Variants in MARCHF3 observed in about 807,000 individuals in gnomAD.
MARCHF3 encodes membrane associated ring-CH-type finger 3.
Under a neutral mutation model 24.2 loss-of-function variants are expected in MARCHF3, and 13 were observed. The ratio of observed to expected loss-of-function variants is 0.54; its 90% CI spans 0.35 to 0.85. The LOEUF (loss-of-function observed/expected upper bound fraction) is 0.85, where lower values mean the gene tolerates loss of function less well. Among genes scored for constraint, MARCHF3 ranks in the 40% least tolerant of loss-of-function variants. The pLI is 0.01. For missense variants in MARCHF3, 276 were observed against 325.0 expected, an observed-to-expected ratio of 0.85 and a Z score of 1.16; for synonymous variants, 144 against 137.3, an observed-to-expected ratio of 1.05 and a Z score of -0.34.
chr5:126,922,156 A>C (rs932376773), intron 1 of MARCHF3, among the ~76,000 whole-genome samples: 4 of 152,098 alleles, frequency 2.6e-5, no homozygotes, highest in African/African-American at 9.7e-5. Context: ...GGCTCTGCTC[A>C]CCTCTGCAGC....
chr5:127,011,868 C>G (rs563758589), intron 1 of MARCHF3, among the ~76,000 whole-genome samples: 24 of 152,260 alleles, frequency 1.6e-4, no homozygotes, highest in African/African-American at 5.5e-4. Context: ...AGAGGTCTGC[C>G]AATGTGCAAA....
intron 1 of MARCHF3, among the ~76,000 whole-genome samples, chr5:126,927,535 T>A (rs758102158): frequency 1.3e-5 from 2 of 152,218 alleles, no homozygotes; most frequent in Non-Finnish European, 2.9e-5. Context: ...GCATGCATCA[T>A]GGCCTGGGTG....
At chr5:126,996,853 T>C (rs1183412186) in intron 1 of MARCHF3, among the ~76,000 whole-genome samples, 1 of 152,172 alleles carries the variant, frequency 6.6e-6, no homozygotes, top group Non-Finnish European at 1.5e-5. Context: ...GGATAAATTA[T>C]TTAAAAATCA....
chr5:126,961,784 A>G (rs1172829671), intron 1 of MARCHF3, among the ~76,000 whole-genome samples: 1 of 152,170 alleles, frequency 6.6e-6, no homozygotes, highest in Admixed American at 6.5e-5. Flanking sequence ...TCATTTCTGA[A>G]TGCAATATGC....
chr5:126,983,515 T>A (rs1324531429), intron 1 of MARCHF3, among the ~76,000 whole-genome samples: 1 of 152,212 alleles, frequency 6.6e-6, no homozygotes. Flanking sequence ...TTCTCTCTTT[T>A]GGATATCAGC....
chr5:126,987,446 CA>C (rs1751604769), intron 1 of MARCHF3, among the ~76,000 whole-genome samples: 1 of 152,220 alleles, frequency 6.6e-6, no homozygotes, highest in South Asian at 2.1e-4. Context: ...CTCAAGACTG[CA>C]ACATCAACTC....
intron 3 of MARCHF3, among the ~76,000 whole-genome samples, chr5:126,885,310 G>A (rs935551576): frequency 2.0e-5 from 3 of 152,222 alleles, no homozygotes; most frequent in Admixed American, 1.3e-4. Flanking sequence ...GTTTACGCCT[G>A]TAATCTCAGC....
intron 1 of MARCHF3, among the ~76,000 whole-genome samples, chr5:126,947,735 A>G (rs1319470744): frequency 6.6e-6 from 1 of 152,094 alleles, no homozygotes; most frequent in Non-Finnish European, 1.5e-5. Context: ...ACTCAAACAA[A>G]TTGAATACAT....
chr5:126,882,414 T>A (rs1342162837), intron 3 of MARCHF3, among the ~76,000 whole-genome samples: 1 of 152,214 alleles, frequency 6.6e-6, no homozygotes, highest in African/African-American at 2.4e-5. Context: ...CAAACCACGA[T>A]GAGGTCTAAT....
Position 126,918,091 on chromosome 5 carries a change from C to T in MARCHF3, c.81G>A (p.Val27=). ...CATTCACTAGGCTGCCACAATCCTC[C>T]ACCGTCTTCACCACGGGTGCAGCTG... ...TSSAAPVVKT[V]EDCGSLVNGQ... is the part of the protein sequence containing the mutation. The change falls in exon 2 of 5, where the codon GTG becomes GTA. Residue 27 remains valine (V), a synonymous_variant. Transcript: ENST00000308660. 4 of 1,614,212 alleles carry T rather than the reference C, an allele frequency of 2.5e-6. No individual in the cohort carries two copies. The highest frequency in any genetic ancestry group is 3.4e-6 in the Non-Finnish European group (4 of 1,180,040).
At chr5:126,959,263 A>G (rs1290820680) in intron 1 of MARCHF3, among the ~76,000 whole-genome samples, 1 of 152,212 alleles carries the variant, frequency 6.6e-6, no homozygotes, top group Non-Finnish European at 1.5e-5. Context: ...GATGAAAAAT[A>G]GCCCTTTACT....
Position 126,958,605 on chromosome 5 carries a change from G to C in MARCHF3, c.-56-40378C>G, listed in dbSNP as rs1241087501. The stretch of plus-strand genomic sequence containing the variant: ...TTAATTAATCTTTGAATCCAAAAAG[G>C]GTGTCAGGACTGGGAAGTATATAGA... On this transcript the variant is annotated intron_variant, in intron 1 of 4. Transcript: ENST00000308660. Among the ~76,000 whole-genome samples the C allele has an allele frequency of 6.6e-5, 10 of 151,946 alleles. No individual in the cohort carries two copies. The East Asian group carries it at 1.5e-3, about 23-fold the overall frequency.
In MARCHF3 at chr5:126,993,680, A is replaced by G. The variant is rs1465840699; in HGVS notation, c.-57+36670T>C. ...ACATTCACTTTAATCATTTTCAGGCAGGGAAAAAAAAGTGTTCTGTATATA... is the reference window on the plus strand; with the variant it reads ...ACATTCACTTTAATCATTTTCAGGCGGGGAAAAAAAAGTGTTCTGTATATA... On this transcript the variant is annotated intron_variant, in intron 1 of 4. Coordinates refer to ENST00000308660, the MANE Select transcript of MARCHF3 (RefSeq NM_178450.5). Among the ~76,000 whole-genome samples the G allele has an allele frequency of 3.3e-5, 5 of 152,166 alleles. No homozygotes were observed. In the South Asian group the frequency reaches 6.2e-4, roughly 19 times the overall value.
intron 3 of MARCHF3, among the ~76,000 whole-genome samples, chr5:126,911,874 C>T (rs1263908706): frequency 6.6e-6 from 1 of 152,150 alleles, no homozygotes; most frequent in Non-Finnish European, 1.5e-5. Flanking sequence ...ACAGTATATC[C>T]ATTTTAAGTG....
At chr5:126,986,899 A>G (rs1751584465) in intron 1 of MARCHF3, among the ~76,000 whole-genome samples, 1 of 152,252 alleles carries the variant, frequency 6.6e-6, no homozygotes, top group Non-Finnish European at 1.5e-5. Flanking sequence ...GAAAATTTCA[A>G]CAAATTTCTG....
intron 1 of MARCHF3, among the ~76,000 whole-genome samples, chr5:126,961,571 G>C (rs1750637184): frequency 6.6e-6 from 1 of 152,104 alleles, no homozygotes; most frequent in Non-Finnish European, 1.5e-5. Flanking sequence ...CTACAGTACT[G>C]AATTTATTTC....
chr5:126,906,794 A>G (rs9763723), intron 3 of MARCHF3, among the ~76,000 whole-genome samples: 13,841 of 151,702 alleles, frequency 0.091, 1,403 homozygotes, highest in African/African-American at 0.25. Context: ...ATTTTTTGAA[A>G]GGTTTTTTGT....
At chr5:126,971,793 G>A (rs998459643) in intron 1 of MARCHF3, among the ~76,000 whole-genome samples, 1 of 152,186 alleles carries the variant, frequency 6.6e-6, no homozygotes, top group Non-Finnish European at 1.5e-5. Flanking sequence ...TAAGAAGTTT[G>A]ACACTGTTAT....
At chr5:126,914,767 AACACACACACACACACACACACAC>A (rs58386463) in intron 3 of MARCHF3, 139 bp downstream of exon 3, 19 of 484,316 alleles carry the variant, frequency 3.9e-5, no homozygotes, top group South Asian at 3.3e-4. Context: ...CTCTTTCTCA[AACACACACACACACACACACACAC>A]ACACACACAC....
Sources: gnomAD v4.1 joint callset for allele counts (sites outside exome capture counted in the v4.1 genomes callset) on GRCh38, gnomAD v4.1.1 for gene constraint, MANE v1.5 for transcripts, NCBI Gene and HGNC (gene_info 2026-07-23, HGNC 2026-07-21) for gene names.